The following RAP1GAP2 variants were observed in gnomAD, a reference collection of about 807,000 sequenced individuals.
RAP1GAP2 encodes the protein rap1 GTPase-activating protein 2.
RAP1GAP2 carries 27 observed loss-of-function variants against 95.0 expected under a neutral mutation model. That is an observed-to-expected ratio of 0.28 (90% CI 0.21 to 0.39). The LOEUF is 0.39. Among genes scored for constraint, RAP1GAP2 ranks in the 10% least tolerant of loss-of-function variants. The pLI is 1.00. For missense variants in RAP1GAP2, 771 were observed against 970.0 expected, an observed-to-expected ratio of 0.79 and a Z score of 2.72; for synonymous variants, 373 against 380.9, an observed-to-expected ratio of 0.98 and a Z score of 0.24.
chr17:2,807,928 T>TC (rs2069589966), intron 2 of RAP1GAP2, among the ~76,000 whole-genome samples: 1 of 151,828 alleles, frequency 6.6e-6, no homozygotes, highest in Admixed American at 6.6e-5. Context: ...CGTAAAGAGG[T>TC]CCCCGGAGAC....
intron 10 of RAP1GAP2, among the ~76,000 whole-genome samples, chr17:2,983,269 C>T (rs1429673130): frequency 2.0e-5 from 3 of 151,492 alleles, no homozygotes; most frequent in Non-Finnish European, 4.4e-5. Context: ...CACCGCTGTC[C>T]TTCAAATCTA....
chr17:2,804,761 A>G (rs1395997522), intron 2 of RAP1GAP2, among the ~76,000 whole-genome samples: 2 of 152,128 alleles, frequency 1.3e-5, no homozygotes, highest in African/African-American at 4.8e-5. Flanking sequence ...CCACGTTGGA[A>G]TGCTGGAGGG....
intron 3 of RAP1GAP2, among the ~76,000 whole-genome samples, chr17:2,954,453 G>T (rs1027118901): frequency 6.6e-6 from 1 of 152,026 alleles, no homozygotes; most frequent in Non-Finnish European, 1.5e-5. Flanking sequence ...TCTTGTGTAG[G>T]TGTCTAGGAG....
chr17:3,023,044 T>C (rs2047006877), intron 19 of RAP1GAP2, among the ~76,000 whole-genome samples: 1 of 152,254 alleles, frequency 6.6e-6, no homozygotes, highest in South Asian at 2.1e-4. Flanking sequence ...TCTGTATGGT[T>C]AATGTGATGT....
intron 13 of RAP1GAP2, among the ~76,000 whole-genome samples, 186 bp downstream of exon 13, chr17:2,995,652 C>T (rs1410469443): frequency 6.6e-6 from 1 of 152,240 alleles, no homozygotes. Flanking sequence ...CCTCAGCGGT[C>T]CGTTCTGTTG....
intron 2 of RAP1GAP2, among the ~76,000 whole-genome samples, chr17:2,861,961 G>A (rs1014882160): frequency 6.6e-6 from 1 of 152,116 alleles, no homozygotes; most frequent in Non-Finnish European, 1.5e-5. Flanking sequence ...TGGCTCCCTG[G>A]GGCCCTTTTA....
At chr17:2,932,788 A>G (rs1045190271) in intron 3 of RAP1GAP2, among the ~76,000 whole-genome samples, 3 of 128,554 alleles carry the variant, frequency 2.3e-5, no homozygotes, top group African/African-American at 8.8e-5. Context: ...ACTGCACTCC[A>G]GCCTGGCAGC....
chr17:2,901,402 C>T lies in RAP1GAP2; in HGVS notation c.81-3882C>T, dbSNP rs80215743. Among the ~76,000 whole-genome samples the T allele has an allele frequency of 3.4e-3, 512 of 152,278 alleles. 7 individuals are homozygous for T. Among genetic ancestry groups the T allele is most frequent in the African/African-American group, 0.012 (491 of 41,568 alleles). Reference sequence around the variant, plus strand: ...TCCCTTCTCTGCTTTCCAAGCTGTCCCCATCTCCAGCCCCTCCTCTCATGG... The same window carrying T: ...TCCCTTCTCTGCTTTCCAAGCTGTCTCCATCTCCAGCCCCTCCTCTCATGG... On this transcript the variant is annotated intron_variant, in intron 2 of 24. Transcript: ENST00000254695.
At chr17:2,969,493 A>ATTTTTTTTTTTTTTTT (rs2044761423) in intron 8 of RAP1GAP2, among the ~76,000 whole-genome samples, 1 of 101,878 alleles carries the variant, frequency 9.8e-6, no homozygotes, top group African/African-American at 3.7e-5. Context: ...AAATATATAT[A>ATTTTTTTTTTTTTTTT]TTCTTTTTTT....
chr17:2,784,710 G>A (rs1408383211), intron 1 of RAP1GAP2, among the ~76,000 whole-genome samples: 1 of 152,218 alleles, frequency 6.6e-6, no homozygotes, highest in Non-Finnish European at 1.5e-5. Flanking sequence ...CCTGCTGAGG[G>A]TGGGGCCCGT....
intron 3 of RAP1GAP2, among the ~76,000 whole-genome samples, chr17:2,907,266 G>GGGTA (rs2042228573): frequency 6.6e-6 from 1 of 152,118 alleles, no homozygotes; most frequent in Admixed American, 6.6e-5. Context: ...AATGAGGGAG[G>GGGTA]GGTAGGTCCT....
chr17:2,835,702 G>A (rs1197304881), intron 2 of RAP1GAP2, among the ~76,000 whole-genome samples: 1 of 152,204 alleles, frequency 6.6e-6, no homozygotes, highest in Non-Finnish European at 1.5e-5. Flanking sequence ...TCCAGCCTGG[G>A]TGCATTCCAG....
At chr17:2,865,247 C>A (rs747994256) in intron 2 of RAP1GAP2, among the ~76,000 whole-genome samples, 4 of 152,140 alleles carry the variant, frequency 2.6e-5, no homozygotes, top group Admixed American at 1.3e-4. Context: ...GTCAAGACTC[C>A]AAAACTCTGT....
chr17:3,018,058 T>C lies in RAP1GAP2; in HGVS notation c.1495-3T>C, dbSNP rs1478731550. 6.3e-7 allele frequency: 1 copy of C among 1,580,580 alleles called. No individual in the cohort carries two copies. The highest frequency in any genetic ancestry group is 1.4e-5 in the African/African-American group (1 of 74,058). On this transcript the variant is annotated splice_region_variant and splice_polypyrimidine_tract_variant and intron_variant, in intron 17 of 24. Coordinates refer to ENST00000254695, the MANE Select transcript of RAP1GAP2 (RefSeq NM_015085.5). ...TTCTCAGGCCCTTGTTCTCTCCCCG[T>C]AGAGGGCCATCCGCGTACGCAGCCA...
Position 2,981,348 on chromosome 17 carries a change from C to T in RAP1GAP2, c.729+100C>T, listed in dbSNP as rs772203741. On this transcript the variant is annotated intron_variant, in intron 10 of 24. Coordinates refer to ENST00000254695, the MANE Select transcript of RAP1GAP2 (RefSeq NM_015085.5). ...AGTTCTCTGCATCATAGTGGGGTTTCGTGGGGTCTCCATAATAAGCTTCCA... is the reference window on the plus strand; with the variant it reads ...AGTTCTCTGCATCATAGTGGGGTTTTGTGGGGTCTCCATAATAAGCTTCCA... 22 of 1,091,928 alleles carry T rather than the reference C, an allele frequency of 2.0e-5. No homozygotes were observed. In the African/African-American group the frequency reaches 2.1e-4, roughly 10 times the overall value. 67.6% of individuals were successfully genotyped at this position (1,091,928 alleles called of 1,614,324 possible).
chr17:2,800,334 G>A lies in RAP1GAP2; in HGVS notation c.45-181G>A, dbSNP rs1234028121. 18 of 789,548 alleles carry A rather than the reference G, an allele frequency of 2.3e-5. No individual in the cohort carries two copies. The South Asian group carries it at 7.5e-4, about 33-fold the overall frequency. 48.9% of individuals were successfully genotyped at this position (789,548 alleles called of 1,614,324 possible). On this transcript the variant is annotated intron_variant, in intron 1 of 24. Coordinates refer to ENST00000254695, the MANE Select transcript of RAP1GAP2 (RefSeq NM_015085.5). ...TGTTGTAGGGTGGTGTGTGGCCCCA[G>A]CTCTCCCAGCACTCAGAGGCGTCTC...
chr17:3,031,046 C>T, intron 23 of RAP1GAP2, 48 bp downstream of exon 23: 1 of 1,513,022 alleles, frequency 6.6e-7, no homozygotes, highest in Non-Finnish European at 9.0e-7. Flanking sequence ...TGCAGAGGCC[C>T]AGCCTTCCTT....
chr17:2,862,234 C>T (rs952720898), intron 2 of RAP1GAP2, among the ~76,000 whole-genome samples: 2 of 152,172 alleles, frequency 1.3e-5, no homozygotes, highest in East Asian at 1.9e-4. Flanking sequence ...CTGGAACTGC[C>T]GCCTGATTGG....
intron 2 of RAP1GAP2, among the ~76,000 whole-genome samples, chr17:2,858,996 T>A (rs1224494625): frequency 6.6e-6 from 1 of 152,214 alleles, no homozygotes; most frequent in Non-Finnish European, 1.5e-5. Context: ...TTAGTCAGTA[T>A]TTGAATTTCC....
Sources: gnomAD v4.1 joint callset for allele counts (sites outside exome capture counted in the v4.1 genomes callset) on GRCh38, gnomAD v4.1.1 for gene constraint, MANE v1.5 for transcripts, NCBI Gene and HGNC (gene_info 2026-07-23, HGNC 2026-07-21) for gene names.